ATP9B: variants seen among roughly 807,000 people sequenced by gnomAD.
ATP9B encodes the protein probable phospholipid-transporting ATPase IIB.
In ATP9B, 110 loss-of-function variants were observed where a neutral mutation model predicts 146.1. That is an observed-to-expected ratio of 0.75 (90% confidence interval 0.65 to 0.88). The LOEUF (loss-of-function observed/expected upper bound fraction) is 0.88, where lower values mean the gene tolerates loss of function less well. Ranked by LOEUF, ATP9B falls within the 40% of genes least tolerant of loss-of-function variation. ATP9B has a pLI of 0.00. For missense variants in ATP9B, 1,499 were observed against 1,496.4 expected, an observed-to-expected ratio of 1.00 and a Z score of -0.03; for synonymous variants, 604 against 569.7, an observed-to-expected ratio of 1.06 and a Z score of -0.86.
chr18:79,360,230 G>C (rs2096979915), intron 26 of ATP9B: 1 of 152,166 alleles, frequency 6.6e-6, no homozygotes, highest in Non-Finnish European at 1.5e-5. Flanking sequence ...CACAAAGCTA[G>C]CTGTTTTGAA....
chr18:79,308,620 A>T (rs1197694416), intron 15 of ATP9B, among the ~76,000 whole-genome samples: 1 of 152,226 alleles, frequency 6.6e-6, no homozygotes, highest in East Asian at 1.9e-4. Context: ...CAGAGAGCAG[A>T]GCAGCAGGTA....
At chr18:79,359,298 C>T (rs931747772) in intron 25 of ATP9B, 56 bp from the exon 26 acceptor site, 1 of 1,352,552 alleles carries the variant, frequency 7.4e-7, no homozygotes. Flanking sequence ...AGGTCTGTTT[C>T]TAGCTGTGTG....
chr18:79,117,000 A>G (rs1398914321), intron 4 of ATP9B, among the ~76,000 whole-genome samples: 1 of 151,050 alleles, frequency 6.6e-6, no homozygotes, highest in Non-Finnish European at 1.5e-5. Flanking sequence ...TCCATTATAA[A>G]TATTTTAAAA....
At chr18:79,291,894 C>T (rs2096507390) in intron 13 of ATP9B, among the ~76,000 whole-genome samples, 1 of 152,212 alleles carries the variant, frequency 6.6e-6, no homozygotes, top group African/African-American at 2.4e-5. Flanking sequence ...CACTCCCCAT[C>T]CTCCCCTTCC....
At chr18:79,350,726 G>A (rs1165815967) in intron 25 of ATP9B, among the ~76,000 whole-genome samples, 1 of 149,974 alleles carries the variant, frequency 6.7e-6, no homozygotes, top group Admixed American at 6.6e-5. Flanking sequence ...TTTTAAATAA[G>A]TTTTCCCATT....
intron 6 of ATP9B, among the ~76,000 whole-genome samples, chr18:79,148,517 G>C (rs1386198473): frequency 1.3e-5 from 2 of 152,154 alleles, no homozygotes; most frequent in African/African-American, 4.8e-5. Flanking sequence ...GTTGTTGCAG[G>C]AAGACCATTT....
chr18:79,130,382 G>A (rs892622848), intron 5 of ATP9B, among the ~76,000 whole-genome samples: 7 of 151,388 alleles, frequency 4.6e-5, no homozygotes, highest in African/African-American at 1.7e-4. Context: ...CTTAAGCCTA[G>A]GTCAGTTGTA....
intron 2 of ATP9B, among the ~76,000 whole-genome samples, chr18:79,106,421 C>T (rs1015338982): frequency 1.3e-5 from 2 of 152,116 alleles, no homozygotes; most frequent in African/African-American, 4.8e-5. Context: ...GTTTATGTAT[C>T]CTTGGGGCTC....
chr18:79,272,934 G>A (rs967470350), intron 12 of ATP9B, among the ~76,000 whole-genome samples: 6 of 152,202 alleles, frequency 3.9e-5, no homozygotes, highest in African/African-American at 9.6e-5. Context: ...TCCTCCCTAC[G>A]AAGCATGGAA....
At chr18:79,214,557 T>C (rs1240449642) in intron 11 of ATP9B, among the ~76,000 whole-genome samples, 1 of 152,236 alleles carries the variant, frequency 6.6e-6, no homozygotes, top group African/African-American at 2.4e-5. Context: ...TTGTTATTTA[T>C]GCATCCAACA....
chr18:79,301,475 A>G (rs2096590093), intron 13 of ATP9B, among the ~76,000 whole-genome samples: 1 of 152,176 alleles, frequency 6.6e-6, no homozygotes, highest in Admixed American at 6.5e-5. Flanking sequence ...GTCTCAAAAA[A>G]CAAACAAACA....
rs748242388 is a variant in ATP9B at position 79,337,408 on chromosome 18, G to A, written c.2242G>A (p.Val748Met). The change falls in exon 19 of 30, where the codon GTG (valine) becomes ATG (methionine). Residue 748 changes from valine to methionine, a missense_variant. Physicochemically the swap from Val to Met is conservative, Grantham distance 21 (BLOSUM62 1). Transcript: ENST00000426216. ...CGTGGAGGACCAGCTGCAGGCAGAC[G>A]TGCGGCCCACGCTGGAGATGCTGCG... ...TGVEDQLQAD[V>M]RPTLEMLRNA... 5.6e-6 allele frequency: 9 copies of A among 1,613,456 alleles called. No individual in the cohort carries two copies. Among genetic ancestry groups the A allele is most frequent in the Non-Finnish European group, 7.6e-6 (9 of 1,180,028 alleles).
chr18:79,319,486 C>T (rs551271638), intron 15 of ATP9B, among the ~76,000 whole-genome samples: 130 of 151,796 alleles, frequency 8.6e-4, no homozygotes, highest in African/African-American at 3.1e-3. Flanking sequence ...TCCTGGCTAA[C>T]GTGAGTGAAT....
At chr18:79,337,802 G>A (rs1005774281) in intron 19 of ATP9B, among the ~76,000 whole-genome samples, 4 of 152,332 alleles carry the variant, frequency 2.6e-5, no homozygotes, top group Middle Eastern at 3.4e-3. Flanking sequence ...GCCAGTGCCC[G>A]TCACCCTGGC....
chr18:79,213,116 T>C (rs2095598653), intron 10 of ATP9B, among the ~76,000 whole-genome samples: 1 of 152,214 alleles, frequency 6.6e-6, no homozygotes, highest in African/African-American at 2.4e-5. Context: ...AGTTTTCATA[T>C]AATTATTATA....
At chr18:79,259,322 T>A (rs1339609824) in intron 12 of ATP9B, among the ~76,000 whole-genome samples, 1 of 152,216 alleles carries the variant, frequency 6.6e-6, no homozygotes, top group African/African-American at 2.4e-5. Context: ...TGCAGTTACT[T>A]CCCTCTTTAT....
chr18:79,345,682 T>A (rs1413012387), intron 22 of ATP9B, 93 bp from the exon 23 acceptor site: 2 of 1,601,408 alleles, frequency 1.2e-6, no homozygotes, highest in Non-Finnish European at 1.7e-6. Flanking sequence ...TCATCTCCAT[T>A]CATGGAAGTT....
chr18:79,278,145 G>A lies in ATP9B; in HGVS notation c.1411+949G>A, dbSNP rs554845741. The stretch of plus-strand genomic sequence containing the variant: ...CAAAACAGGTCTCTAATACATAGTG[G>A]AGAACAGACCGAAGAGTAAAGCTCC... On this transcript the variant is annotated intron_variant, in intron 13 of 29. Transcript: ENST00000426216. Among the ~76,000 whole-genome samples the A allele has an allele frequency of 2.6e-5, 4 of 152,324 alleles. No homozygotes were observed. In the South Asian group the frequency reaches 8.3e-4, roughly 32 times the overall value.
chr18:79,227,515 G>A (rs1213953190), intron 11 of ATP9B, among the ~76,000 whole-genome samples: 1 of 152,038 alleles, frequency 6.6e-6, no homozygotes, highest in African/African-American at 2.4e-5. Flanking sequence ...TAGATGGATG[G>A]GTGGTGGATG....
Sources: allele counts gnomAD v4.1 joint callset (sites outside exome capture counted in the v4.1 genomes callset), GRCh38; gene constraint gnomAD v4.1.1; transcripts MANE v1.5; gene names NCBI Gene and HGNC (gene_info 2026-07-23, HGNC 2026-07-21).